BCORL1: variants seen among roughly 807,000 people sequenced by gnomAD.
The protein encoded by BCORL1 is BCL-6 corepressor-like protein 1.
Under a neutral mutation model 87.6 loss-of-function variants are expected in BCORL1, and 7 were observed. The observed-to-expected ratio is 0.08, with a 90% confidence interval of 0.05 to 0.15. BCORL1 has a LOEUF of 0.15. Among genes scored for constraint, BCORL1 ranks in the 10% least tolerant of loss-of-function variants. BCORL1 has a pLI of 1.00. For missense variants in BCORL1, 1,215 were observed against 1,499.7 expected, an observed-to-expected ratio of 0.81 and a Z score of 3.13; for synonymous variants, 591 against 634.4, an observed-to-expected ratio of 0.93 and a Z score of 1.03.
intron 7 of BCORL1, among the ~76,000 whole-genome samples, chrX:130,028,227 T>A (rs1335316122): frequency 9.0e-6 from 1 of 111,657 alleles, no homozygotes; most frequent in Non-Finnish European, 1.9e-5. Flanking sequence ...TACTTGATAC[T>A]TAATGTCAGC....
intron 6 of BCORL1, 106 bp from the exon 7 acceptor site, chrX:130,024,884 A>G: frequency 9.3e-7 from 1 of 1,077,612 alleles, no homozygotes. Flanking sequence ...GCAGAGCCTG[A>G]ACTTGAACCC....
intron 1 of BCORL1, among the ~76,000 whole-genome samples, chrX:129,999,514 C>T (rs1927855366): frequency 9.2e-6 from 1 of 108,498 alleles, no homozygotes; most frequent in South Asian, 4.0e-4. Flanking sequence ...TGCCATGTTG[C>T]CCAGGCTGAT....
intron 4 of BCORL1, among the ~76,000 whole-genome samples, chrX:130,017,646 G>GT (rs1325113903): frequency 0.022 from 2,131 of 98,023 alleles, 51 homozygotes; most frequent in African/African-American, 0.065. Flanking sequence ...CTCTCTTTTT[G>GT]TTTTTTTTTT....
intron 6 of BCORL1, 88 bp from the exon 7 acceptor site, chrX:130,024,902 C>A: frequency 8.8e-7 from 1 of 1,130,200 alleles, no homozygotes; most frequent in Non-Finnish European, 1.2e-6. Context: ...CCCAGACCTT[C>A]AAACTCCTAG....
intron 8 of BCORL1, among the ~76,000 whole-genome samples, chrX:130,029,534 G>C (rs956103079): frequency 4.5e-5 from 5 of 110,673 alleles, no homozygotes; most frequent in African/African-American, 1.6e-4. Context: ...TTACATTTGA[G>C]AGAAGTGAGG....
chrX:130,010,065 G>A (rs1928830037), intron 2 of BCORL1, among the ~76,000 whole-genome samples: 1 of 112,099 alleles, frequency 8.9e-6, no homozygotes, highest in South Asian at 3.7e-4. Flanking sequence ...GGAGTGGCCA[G>A]GACTGCTGTT....
In BCORL1 at chrX:130,028,671, A is replaced by G; in HGVS notation, c.4115A>G (p.Gln1372Arg). ...CGTAAGCAGAAGACTTCCTCCTCCC[A>G]AAGTTTGGAGCACCGCCTCAGGAAC... ...KARKQKTSSS[Q>R]SLEHRLRNRN... The change falls in exon 8 of 14, where the codon CAA (glutamine) becomes CGA (arginine). Residue 1372 changes from glutamine to arginine, a missense_variant. Around this residue, in one of 5 missense-constraint regions of BCORL1, gnomAD observed 166 missense variants for 196.5 expected, o/e 0.84. Transcript: ENST00000540052. 8.3e-7 allele frequency: 1 copy of G among 1,210,372 alleles called. No homozygotes were observed. Among genetic ancestry groups the G allele is most frequent in the African/African-American group, 1.7e-5 (1 of 57,402 alleles).
intron 11 of BCORL1, among the ~76,000 whole-genome samples, chrX:130,043,776 ATATATATAT>A (rs1383931637): frequency 4.7e-5 from 1 of 21,432 alleles, no homozygotes; most frequent in Non-Finnish European, 6.8e-5. Context: ...ATATATATAT[ATATATATAT>A]TTTTTTTTTT....
chrX:130,036,262 CTT>C (rs747499783), intron 9 of BCORL1, among the ~76,000 whole-genome samples: 25 of 101,625 alleles, frequency 2.5e-4, no homozygotes, highest in Admixed American at 5.3e-4. Context: ...TTGGATTATC[CTT>C]TTTTTTTTTT....
intron 1 of BCORL1, among the ~76,000 whole-genome samples, chrX:129,989,783 T>G (rs1257239917): frequency 9.8e-6 from 1 of 101,910 alleles, no homozygotes; most frequent in Non-Finnish European, 2.0e-5. Context: ...TAACTCTCTT[T>G]GTTTCTTTTT....
intron 11 of BCORL1, among the ~76,000 whole-genome samples, chrX:130,046,953 CTA>C (rs1420960438): frequency 9.5e-6 from 1 of 105,214 alleles, no homozygotes; most frequent in African/African-American, 3.5e-5. Flanking sequence ...CTTTCTGTCT[CTA>C]TGGATTTCCC....
At chrX:130,026,243 C>T (rs1261848332) in intron 7 of BCORL1, among the ~76,000 whole-genome samples, 3 of 112,229 alleles carry the variant, frequency 2.7e-5, no homozygotes, top group African/African-American at 9.7e-5. Context: ...CCTGAGCTGC[C>T]GGTAAACATC....
rs144904848 is a variant in BCORL1, at chrX:130,023,131, C to A, written c.3688+154C>A. Among the ~76,000 whole-genome samples, 615 of 111,561 alleles carry A rather than the reference C, an allele frequency of 5.5e-3. 1 individual carries two copies. Among genetic ancestry groups the A allele is most frequent in the Middle Eastern group, 0.014 (3 of 217 alleles). On this transcript the variant is annotated intron_variant, in intron 6 of 13. Transcript: ENST00000540052. ...CAGCTCCTTGCAGAGATAAGAGAGC[C>A]CTGGGTGGGGGCAGGGGACAAATAG...
chrX:130,040,910 C>A (rs1931267208), intron 11 of BCORL1, among the ~76,000 whole-genome samples: 1 of 111,233 alleles, frequency 9.0e-6, no homozygotes, highest in Non-Finnish European at 1.9e-5. Context: ...CCGGTCTAGT[C>A]CCGAGGCCTC....
intron 1 of BCORL1, among the ~76,000 whole-genome samples, chrX:129,986,666 A>G (rs1926648375): frequency 9.0e-6 from 1 of 110,534 alleles, no homozygotes; most frequent in Admixed American, 9.7e-5. Flanking sequence ...TAAAATCACA[A>G]AAATTAGCCA....
intron 11 of BCORL1, among the ~76,000 whole-genome samples, chrX:130,042,958 GCGAGACTC>G (rs1363004960): frequency 7.3e-5 from 7 of 95,292 alleles, no homozygotes; most frequent in African/African-American, 2.7e-4. Flanking sequence ...GGGCGACAGA[GCGAGACTC>G]CGTCTCAAAA....
At position 130,025,251 on chromosome X, in the gene BCORL1, A is replaced by G. The variant is rs779691590; in HGVS notation, c.3950A>G (p.Glu1317Gly). 8.3e-7 allele frequency: 1 copy of G among 1,210,161 alleles called. No individual in the cohort carries two copies. Among genetic ancestry groups the G allele is most frequent in the East Asian group, 3.0e-5 (1 of 33,819 alleles). Residue 1317 changes from glutamate (E) to glycine (G), a missense_variant, in exon 7 of 14, where the codon GAG (glutamate) becomes GGG (glycine). This residue lies in a region of BCORL1 where 166 missense variants were observed against 196.5 expected (regional missense o/e 0.84). Coordinates refer to ENST00000540052, the MANE Select transcript of BCORL1 (RefSeq NM_001379451.1). Reference sequence around the variant, plus strand: ...CGGCAAATGTGGGACACCAATGAGGAGGAGGAGGAAGAAGAGGAGGAGGGC... The same window carrying G: ...CGGCAAATGTGGGACACCAATGAGGGGGAGGAGGAAGAAGAGGAGGAGGGC... ...AARQMWDTNEEEEEEEEEGLL... is the reference protein window; with the variant it reads ...AARQMWDTNEGEEEEEEEGLL...
rs773258574 is a variant in BCORL1 at position 130,015,239 on chromosome X, CCTA to C, written c.2469_2471del (p.Thr824del). The C allele has an allele frequency of 2.5e-6, 3 of 1,212,116 alleles. No individual in the cohort carries two copies. In the South Asian group the frequency reaches 5.3e-5, roughly 21 times the overall value. On this transcript the variant is annotated inframe_deletion, in exon 4 of 14. Transcript: ENST00000540052. ...TCCCCGGTGTTCAGTCAATGGGAAA[CCTA>C]CCAGCACCCAGGTCCTGCCTGTTGG...
chrX:130,052,125 C>T, intron 13 of BCORL1, 109 bp downstream of exon 13: 2 of 831,836 alleles, frequency 2.4e-6, no homozygotes, highest in South Asian at 5.9e-5. Flanking sequence ...TGCCATCACA[C>T]ATGACAAAGG....
Sources: gnomAD v4.1 joint callset for allele counts (sites outside exome capture counted in the v4.1 genomes callset) on GRCh38, gnomAD v4.1.1 for gene constraint, gnomAD v4.1.1 regional missense constraint, MANE v1.5 for transcripts, NCBI Gene and HGNC (gene_info 2026-07-23, HGNC 2026-07-21) for gene names.